RNF24: variants seen among roughly 807,000 people sequenced by gnomAD.
RNF24 encodes ring finger protein 24.
In RNF24, 14 loss-of-function variants were observed where a neutral mutation model predicts 20.0. The ratio of observed to expected loss-of-function variants is 0.70; its 90% CI spans 0.46 to 1.10. RNF24 has a LOEUF of 1.10. Among genes scored for constraint, RNF24 ranks in the 50% least tolerant of loss-of-function variants. RNF24 has a pLI of 0.00. For synonymous variants in RNF24, 45 were observed against 61.1 expected, an observed-to-expected ratio of 0.74 and a Z score of 1.23; for missense variants, 124 against 177.6, an observed-to-expected ratio of 0.70 and a Z score of 1.71.
intron 1 of RNF24, among the ~76,000 whole-genome samples, chr20:4,000,889 A>T (rs562920992): frequency 6.6e-6 from 1 of 152,282 alleles, no homozygotes; most frequent in African/African-American, 2.4e-5. Context: ...TAGGGTCAAA[A>T]CTTACTTGAA....
chr20:3,929,251 A>G lies in RNF24; in HGVS notation c.*4812T>C, dbSNP rs1459001246. On this transcript the variant is annotated 3_prime_UTR_variant, in exon 6 of 6. Coordinates refer to ENST00000358395, the MANE Select transcript of RNF24 (RefSeq NM_001134337.3). ...CTGTCTCTACAAAAAAATAATTACG[A>G]AAATTAGCCAGGTGTGCTGGTGTGC... The G allele has an allele frequency of 6.6e-6, 1 of 152,238 alleles. No homozygotes were observed. The highest frequency in any genetic ancestry group is 2.4e-5 in the African/African-American group (1 of 41,432). The allele number at this position is 152,238 out of a possible 1,614,324, so 9.4% of individuals were successfully genotyped here. A position where few individuals can be genotyped will look rare whatever the true frequency, so the allele number is the denominator to read the frequency against.
At chr20:3,954,833 A>G (rs2091123268) in intron 2 of RNF24, among the ~76,000 whole-genome samples, 1 of 151,294 alleles carries the variant, frequency 6.6e-6, no homozygotes, top group Admixed American at 6.6e-5. Context: ...TGGGAGGCAG[A>G]GATTGCAGTG....
rs6052214 is a variant in RNF24 at position 3,985,175 on chromosome 20, C to T, written c.-7-21151G>A. Among the ~76,000 whole-genome samples the T allele has an allele frequency of 5.0e-4, 76 of 152,248 alleles. 2 individuals carry two copies. Among genetic ancestry groups the T allele is most frequent in the African/African-American group, 1.8e-3 (75 of 41,542 alleles). Reference sequence around the variant, plus strand: ...ACTGACTACCTCATTATTTCGATTCCATTTTTTCATCAAAGGATGTTGTAA... The same window carrying T: ...ACTGACTACCTCATTATTTCGATTCTATTTTTTCATCAAAGGATGTTGTAA... On this transcript the variant is annotated intron_variant, in intron 1 of 5. Transcript: ENST00000358395.
chr20:3,987,800 T>C (rs1416475717), intron 1 of RNF24, among the ~76,000 whole-genome samples: 1 of 152,196 alleles, frequency 6.6e-6, no homozygotes, highest in Non-Finnish European at 1.5e-5. Context: ...AGTGGGAACA[T>C]AATTTAAAGA....
chr20:4,005,367 C>T (rs6052230), intron 1 of RNF24, among the ~76,000 whole-genome samples: 3,856 of 152,150 alleles, frequency 0.025, 155 homozygotes, highest in African/African-American at 0.088. Context: ...AATCTTACTA[C>T]GCCGAAAATT....
At chr20:3,975,651 AG>A (rs1321836738) in intron 1 of RNF24, among the ~76,000 whole-genome samples, 2 of 152,196 alleles carry the variant, frequency 1.3e-5, no homozygotes, top group Non-Finnish European at 2.9e-5. Flanking sequence ...GGTTTGTTGA[AG>A]ATGTAATTAA....
chr20:3,945,766 C>T lies in RNF24; in HGVS notation c.187-548G>A, dbSNP rs535771350. 1.3e-4 allele frequency among the ~76,000 whole-genome samples: 20 copies of T among 151,698 alleles called. No homozygotes were observed. The East Asian group carries it at 2.9e-3, about 22-fold the overall frequency. On this transcript the variant is annotated intron_variant, in intron 3 of 5. Transcript: ENST00000358395. ...ATCTTAATTTTGAAAGTTTTGACTC[C>T]GTGGTGACCAGACAGTAGTTAAAAT...
intron 1 of RNF24, among the ~76,000 whole-genome samples, chr20:3,968,391 T>A (rs2091281984): frequency 6.6e-6 from 1 of 152,104 alleles, no homozygotes; most frequent in South Asian, 2.1e-4. Context: ...GGAGGACTGC[T>A]CGAGGCCAGG....
rs74273233 is a variant in RNF24 at position 3,961,473 on chromosome 20, C to T, written c.143+2402G>A. ...TTTTCATTATCACTTTACTTATTTGCTTGATTATTAAAAGGAATACAATGA... is the reference window on the plus strand; with the variant it reads ...TTTTCATTATCACTTTACTTATTTGTTTGATTATTAAAAGGAATACAATGA... On this transcript the variant is annotated intron_variant, in intron 2 of 5. Coordinates refer to ENST00000358395, the MANE Select transcript of RNF24 (RefSeq NM_001134337.3). Among the ~76,000 whole-genome samples, 11 of 151,276 alleles carry T rather than the reference C, an allele frequency of 7.3e-5. No homozygotes were observed. The East Asian group carries it at 2.1e-3, about 29-fold the overall frequency.
intron 1 of RNF24, among the ~76,000 whole-genome samples, chr20:4,005,540 C>T (rs1981794009): frequency 6.6e-6 from 1 of 152,128 alleles, no homozygotes; most frequent in African/African-American, 2.4e-5. Context: ...CCCTTCCCAC[C>T]CATTTCCCAC....
At chr20:3,996,995 C>T (rs566529772) in intron 1 of RNF24, among the ~76,000 whole-genome samples, 46 of 151,806 alleles carry the variant, frequency 3.0e-4, no homozygotes, top group Non-Finnish European at 5.6e-4. Flanking sequence ...CCGAGGCAGG[C>T]GGATCACGAG....
intron 2 of RNF24, among the ~76,000 whole-genome samples, chr20:3,950,142 T>C (rs568075831): frequency 7.6e-6 from 1 of 130,804 alleles, no homozygotes; most frequent in African/African-American, 3.1e-5. Flanking sequence ...TTGGTCTATT[T>C]GCCTATCCTT....
chr20:4,000,900 T>A (rs1981332812), intron 1 of RNF24, among the ~76,000 whole-genome samples: 1 of 152,202 alleles, frequency 6.6e-6, no homozygotes, highest in African/African-American at 2.4e-5. Flanking sequence ...CTTACTTGAA[T>A]CCCACACGCT....
At chr20:3,969,715 C>T (rs889443892) in intron 1 of RNF24, among the ~76,000 whole-genome samples, 1 of 151,912 alleles carries the variant, frequency 6.6e-6, no homozygotes, top group African/African-American at 2.4e-5. Context: ...TAACGAGATG[C>T]CCCCCAGCCA....
At chr20:3,947,245 ATCAGCG>A (rs1396012525) in intron 3 of RNF24, among the ~76,000 whole-genome samples, 3 of 152,230 alleles carry the variant, frequency 2.0e-5, no homozygotes, top group Admixed American at 6.5e-5. Flanking sequence ...GTTCCATAAC[ATCAGCG>A]TCAGCAAGGT....
At chr20:3,978,274 G>C (rs929563840) in intron 1 of RNF24, among the ~76,000 whole-genome samples, 1 of 151,912 alleles carries the variant, frequency 6.6e-6, no homozygotes, top group African/African-American at 2.4e-5. Flanking sequence ...CTGACATTGT[G>C]ATCCGCCCAC....
Position 3,962,259 on chromosome 20 carries a change from G to A in RNF24, c.143+1616C>T, listed in dbSNP as rs140990590. On this transcript the variant is annotated intron_variant, in intron 2 of 5. Coordinates refer to ENST00000358395, the MANE Select transcript of RNF24 (RefSeq NM_001134337.3). ...TAGTCCCAGCTACTTGGGATGCTGAGGTGGGAGGATCACTTGAGCCTAGGA... is the reference window on the plus strand; with the variant it reads ...TAGTCCCAGCTACTTGGGATGCTGAAGTGGGAGGATCACTTGAGCCTAGGA... 8.3e-3 allele frequency among the ~76,000 whole-genome samples: 1,262 copies of A among 152,240 alleles called. 29 individuals carry two copies. Among genetic ancestry groups the A allele is most frequent in the African/African-American group, 0.028 (1,172 of 41,526 alleles).
intron 1 of RNF24, among the ~76,000 whole-genome samples, chr20:4,007,575 C>G (rs535099552): frequency 6.6e-6 from 1 of 151,942 alleles, no homozygotes; most frequent in African/African-American, 2.4e-5. Context: ...AAGAACAGGA[C>G]TTGGCTTGAA....
At chr20:4,003,712 G>C (rs1009116650) in intron 1 of RNF24, among the ~76,000 whole-genome samples, 1 of 125,372 alleles carries the variant, frequency 8.0e-6, no homozygotes, top group East Asian at 2.7e-4. Context: ...GCGTGATCTC[G>C]GCTCACTGCA....
Sources: allele counts gnomAD v4.1 joint callset (sites outside exome capture counted in the v4.1 genomes callset), GRCh38; gene constraint gnomAD v4.1.1; transcripts MANE v1.5; gene names NCBI Gene and HGNC (gene_info 2026-07-23, HGNC 2026-07-21).